SEMA7A: variants seen among roughly 807,000 people sequenced by gnomAD.
SEMA7A encodes the protein semaphorin-7A.
SEMA7A carries 21 observed loss-of-function variants against 67.5 expected under a neutral mutation model. The observed-to-expected ratio is 0.31, with a 90% CI of 0.22 to 0.45. SEMA7A has a LOEUF of 0.45. Among genes scored for constraint, SEMA7A ranks in the 20% least tolerant of loss-of-function variants. SEMA7A has a pLI of 1.00. For missense variants in SEMA7A, 774 were observed against 908.6 expected, an observed-to-expected ratio of 0.85 and a Z score of 1.90; for synonymous variants, 364 against 368.5, an observed-to-expected ratio of 0.99 and a Z score of 0.14.
Position 74,417,907 on chromosome 15 carries a change from G to A in SEMA7A, c.435C>T (p.Thr145=), listed in dbSNP as rs1234897186. ...TCCAGCAGCTGGGGTGCCGGGCGTT[G>A]GTGCCACAGGCCAGCAGCCCCTCAC... The part of the protein sequence containing the change: ...RRSEGLLACG[T]NARHPSCWNL... The change falls in exon 4 of 14, where the codon ACC becomes ACT. Residue 145 remains threonine (T), a synonymous_variant. Transcript: ENST00000261918. The A allele has an allele frequency of 6.2e-7, 1 of 1,613,394 alleles. No individual in the cohort carries two copies.
Position 74,410,871 on chromosome 15 carries a change from T to C in SEMA7A, c.1754A>G (p.Gln585Arg). ...YSWRHKENVE[Q>R]SCEPGHQSPN... The stretch of plus-strand genomic sequence containing the variant: ...GCTCTGGTGACCAGGTTCGCAGCTC[T>C]GCTCCACGTTCTCCTTGTGGCGCCA... Residue 585 changes from glutamine to arginine, a missense_variant, in exon 14 of 14, where the codon CAG becomes CGG. Gln to Arg is a conservative substitution (Grantham distance 43). Transcript: ENST00000261918. This position sits in a 1 kb window ranked among gnomAD's most constrained non-coding sequence, Gnocchi z 7.5. The C allele has an allele frequency of 6.2e-7, 1 of 1,614,220 alleles. No individual in the cohort carries two copies. The highest frequency in any genetic ancestry group is 8.5e-7 in the Non-Finnish European group (1 of 1,180,036).
Position 74,417,286 on chromosome 15 carries a change from G to A in SEMA7A, c.661+49C>T, listed in dbSNP as rs375280463. Reference sequence around the variant, plus strand: ...ATCAGGATCCCATCTGCCACCTTAAGTGCTCACACCCCCTTGCCCACCCTC... The same window carrying A: ...ATCAGGATCCCATCTGCCACCTTAAATGCTCACACCCCCTTGCCCACCCTC... On this transcript the variant is annotated intron_variant, in intron 6 of 13. Transcript: ENST00000261918. 2.1e-5 allele frequency: 30 copies of A among 1,434,746 alleles called. No homozygotes were observed. In the African/African-American group the frequency reaches 3.9e-4, roughly 19 times the overall value. The allele number at this position is 1,434,746 out of a possible 1,614,324, so 88.9% of individuals were successfully genotyped here.
At chr15:74,412,315 C>T (rs116859986) in intron 10 of SEMA7A, among the ~76,000 whole-genome samples, 5 of 152,242 alleles carry the variant, frequency 3.3e-5, no homozygotes, top group African/African-American at 7.2e-5. Flanking sequence ...AAGGTCAGTG[C>T]GGCTGCTGTC....
At position 74,417,877 on chromosome 15, in the gene SEMA7A, C is replaced by T. The variant is rs768740697; in HGVS notation, c.465G>A (p.Leu155=). The change falls in exon 4 of 14, where the codon CTG becomes CTA. Residue 155 remains leucine, a splice_region_variant and synonymous_variant. Transcript: ENST00000261918. ...GGCACATGGGGAGCAGCCTTCTCAC[C>T]AGGTTCCAGCAGCTGGGGTGCCGGG... ...TNARHPSCWN[L]VNGTVVPLGE... is the part of the protein sequence containing the mutation. The T allele has an allele frequency of 8.7e-6, 14 of 1,613,408 alleles. No individual in the cohort carries two copies. The East Asian group carries it at 3.1e-4, about 36-fold the overall frequency.
In SEMA7A at chr15:74,414,538, G is replaced by T. The variant is rs763805975; in HGVS notation, c.1294+9C>A. On this transcript the variant is annotated intron_variant, in intron 10 of 13. Coordinates refer to ENST00000261918, the MANE Select transcript of SEMA7A (RefSeq NM_003612.5). The surrounding 1 kb of genome is among the most constrained non-coding windows in gnomAD (Gnocchi z 4.1). ...AAAGCAAACTGAGGGTCCCGGGGTA[G>T]CCTCTCACCTGTAGTTAGGTAAAGC... The T allele has an allele frequency of 9.3e-6, 15 of 1,613,380 alleles. No individual in the cohort carries two copies. Among genetic ancestry groups the T allele is most frequent in the African/African-American group, 2.7e-5 (2 of 74,898 alleles).
intron 1 of SEMA7A, chr15:74,433,470 GC>G: frequency 4.2e-6 from 4 of 942,966 alleles, no homozygotes; most frequent in Non-Finnish European, 5.4e-6. Flanking sequence ...CCCGGGCGTT[GC>G]GGCTCCTGGC....
Position 74,414,322 on chromosome 15 carries a change from T to A in SEMA7A, c.1294+225A>T, listed in dbSNP as rs1393119630. Among the ~76,000 whole-genome samples the A allele has an allele frequency of 6.6e-6, 1 of 152,142 alleles. No homozygotes were observed. The highest frequency in any genetic ancestry group is 1.5e-5 in the Non-Finnish European group (1 of 68,020). On this transcript the variant is annotated intron_variant, in intron 10 of 13. Transcript: ENST00000261918. This position sits in a 1 kb window ranked among gnomAD's most constrained non-coding sequence, Gnocchi z 4.1. ...CCAGATTTCCGCCTCCAAATCCCAG[T>A]GCTTGCTTTTCTCCCATCCCCCTTT...
At chr15:74,424,420 G>A (rs8036616) in intron 1 of SEMA7A, among the ~76,000 whole-genome samples, 17,147 of 152,174 alleles carry the variant, frequency 0.11, 1,904 homozygotes, top group East Asian at 0.44. Flanking sequence ...TTCTGGAAGT[G>A]GAGGCAGCAG....
chr15:74,426,392 C>T (rs1038334757), intron 1 of SEMA7A, among the ~76,000 whole-genome samples: 1 of 152,196 alleles, frequency 6.6e-6, no homozygotes, highest in African/African-American at 2.4e-5. Flanking sequence ...CCCTGACCTC[C>T]ACCTGTGTGT....
intron 1 of SEMA7A, among the ~76,000 whole-genome samples, chr15:74,425,676 T>C (rs962535292): frequency 5.9e-5 from 9 of 152,220 alleles, no homozygotes; most frequent in Non-Finnish European, 1.0e-4. Context: ...TGCCCTGGCA[T>C]CCGTTTTGAA....
At chr15:74,432,148 G>GGGTTT (rs2061094009) in intron 1 of SEMA7A, among the ~76,000 whole-genome samples, 1 of 152,112 alleles carries the variant, frequency 6.6e-6, no homozygotes, top group Non-Finnish European at 1.5e-5. Context: ...GAGTCAAAAT[G>GGGTTT]CAAGGGGTTT....
chr15:74,411,052 CCCA>C lies in SEMA7A; in HGVS notation c.1640-70_1640-68del. 1 of 1,545,832 alleles carries C rather than the reference CCCA, an allele frequency of 6.5e-7. No individual in the cohort carries two copies. Among genetic ancestry groups the C allele is most frequent in the East Asian group, 2.3e-5 (1 of 44,332 alleles). Reference sequence around the variant, plus strand: ...AGCTCCCAGGGGAGGATGTGTCCTCCCCACGGACTGGGATCCCAGGACAAGGCT... The same window carrying C: ...AGCTCCCAGGGGAGGATGTGTCCTCCCGGACTGGGATCCCAGGACAAGGCT... On this transcript the variant is annotated intron_variant, in intron 13 of 13. Transcript: ENST00000261918. The surrounding 1 kb of genome is among the most constrained non-coding windows in gnomAD (Gnocchi z 4.4).
chr15:74,411,314 C>T lies in SEMA7A; in HGVS notation c.1620G>A (p.Glu540=), dbSNP rs987711653. ...AGGTACCTGGTTTGGGGTTGGGACACTCCTTGTGTGGCTCGGCTGGATTAA... is the reference window on the plus strand; with the variant it reads ...AGGTACCTGGTTTGGGGTTGGGACATTCCTTGTGTGGCTCGGCTGGATTAA... The part of the protein sequence containing the change: ...QSINPAEPHK[E]CPNPKPDKAP... Residue 540 remains glutamate (E), a synonymous_variant, in exon 13 of 14, where the codon GAG becomes GAA. Transcript: ENST00000261918. This position sits in a 1 kb window ranked among gnomAD's most constrained non-coding sequence, Gnocchi z 4.4. The T allele has an allele frequency of 5.6e-6, 9 of 1,613,984 alleles. No homozygotes were observed. Among genetic ancestry groups the T allele is most frequent in the Non-Finnish European group, 4.2e-6 (5 of 1,179,998 alleles).
intron 1 of SEMA7A, 199 bp downstream of exon 1, chr15:74,433,542 G>A (rs1277819895): frequency 1.7e-6 from 2 of 1,209,282 alleles, no homozygotes; most frequent in Non-Finnish European, 2.1e-6. Context: ...TCGCCGCAGC[G>A]TTACAGCCGG....
chr15:74,417,239 C>T, intron 6 of SEMA7A, 96 bp downstream of exon 6: 1 of 989,732 alleles, frequency 1.0e-6, no homozygotes, highest in Non-Finnish European at 1.6e-6. Context: ...CCCAGCGGCC[C>T]TCAGGGAGCC....
chr15:74,426,004 G>T (rs940137138), intron 1 of SEMA7A, among the ~76,000 whole-genome samples: 1 of 152,226 alleles, frequency 6.6e-6, no homozygotes, highest in African/African-American at 2.4e-5. Context: ...CAGGCACAGT[G>T]GGTCATGCCC....
chr15:74,431,974 G>A lies in SEMA7A; in HGVS notation c.178+1767C>T, dbSNP rs986768477. 1.7e-4 allele frequency among the ~76,000 whole-genome samples: 26 copies of A among 152,146 alleles called. 1 individual carries two copies. The highest frequency in any genetic ancestry group is 2.5e-4 in the Non-Finnish European group (17 of 68,024). Reference sequence around the variant, plus strand: ...GGGGGTAGGCCATGGAGCTGTGCTGGGAGCTTCGAAAAGTGGGTAAGAGGA... The same window carrying A: ...GGGGGTAGGCCATGGAGCTGTGCTGAGAGCTTCGAAAAGTGGGTAAGAGGA... On this transcript the variant is annotated intron_variant, in intron 1 of 13. Transcript: ENST00000261918.
intron 1 of SEMA7A, among the ~76,000 whole-genome samples, chr15:74,427,873 C>CAA (rs2061055942): frequency 6.6e-6 from 1 of 152,216 alleles, no homozygotes; most frequent in Non-Finnish European, 1.5e-5. Flanking sequence ...TGGGGGCTCC[C>CAA]CAAGGGCAAA....
chr15:74,427,637 GAA>G (rs1166646472), intron 1 of SEMA7A, among the ~76,000 whole-genome samples: 1 of 152,262 alleles, frequency 6.6e-6, no homozygotes, highest in East Asian at 1.9e-4. Flanking sequence ...ACAACAATAT[GAA>G]TAGCTGTCTA....
Sources: gnomAD v4.1 joint callset for allele counts (sites outside exome capture counted in the v4.1 genomes callset) on GRCh38, gnomAD v4.1.1 for gene constraint, Gnocchi (gnomAD v3.1) non-coding constraint, MANE v1.5 for transcripts, NCBI Gene and HGNC (gene_info 2026-07-23, HGNC 2026-07-21) for gene names.